TRPM2: variants seen among roughly 807,000 people sequenced by gnomAD.
TRPM2 encodes the protein transient receptor potential cation channel subfamily M member 2.
Under a neutral mutation model 174.0 loss-of-function variants are expected in TRPM2, and 161 were observed. The ratio of observed to expected loss-of-function variants is 0.93; its 90% CI spans 0.81 to 1.05. The LOEUF is 1.05. TRPM2 is among the 50% of genes least tolerant of loss of function. The pLI is 0.00. For missense variants in TRPM2, 2,057 were observed against 2,038.0 expected (o/e 1.01, Z -0.18); for synonymous variants, 954 against 861.3 (o/e 1.11, Z -1.88).
Position 44,367,642 on chromosome 21 carries a change from AG to A in TRPM2, c.604+709del, listed in dbSNP as rs949844930. 9.2e-5 allele frequency among the ~76,000 whole-genome samples: 14 copies of A among 152,288 alleles called. No individual in the cohort carries two copies. The highest frequency in any genetic ancestry group is 1.5e-4 in the Non-Finnish European group (10 of 68,016). On this transcript the variant is annotated intron_variant, in intron 4 of 31. Transcript: ENST00000397928. This position sits in a 1 kb window ranked among gnomAD's most constrained non-coding sequence, Gnocchi z 4.6. ...TCCCTGGAGGGGACTGTGGATGAAT[AG>A]TGAGGCCCTGAGGTGACTACTTGGC... is the stretch of plus-strand genomic sequence containing the variant.
At chr21:44,403,863 A>G (rs1036445179) in intron 16 of TRPM2, among the ~76,000 whole-genome samples, 1 of 151,892 alleles carries the variant, frequency 6.6e-6, no homozygotes, top group Non-Finnish European at 1.5e-5. Context: ...CATACACACA[A>G]ATATACACAT....
chr21:44,402,325 C>T (rs2049648165), intron 16 of TRPM2, among the ~76,000 whole-genome samples: 1 of 152,164 alleles, frequency 6.6e-6, no homozygotes, highest in African/African-American at 2.4e-5. Context: ...AAGCAACAGT[C>T]TACAGACTAA....
rs1281456423 is a variant in TRPM2 at position 44,354,940 on chromosome 21, C to T, written c.254+204C>T. On this transcript the variant is annotated intron_variant, in intron 2 of 31. Transcript: ENST00000397928. The surrounding 1 kb of genome is among the most constrained non-coding windows in gnomAD (Gnocchi z 4.3). ...CGGGGACAGTTGACCCTCATCCTGC[C>T]TCGCAGGTGCAGGGACCAAAGTGCA... Among the ~76,000 whole-genome samples, 1 of 152,098 alleles carries T rather than the reference C, an allele frequency of 6.6e-6. No homozygotes were observed. The highest frequency in any genetic ancestry group is 1.5e-5 in the Non-Finnish European group (1 of 68,040).
At position 44,402,146 on chromosome 21, in the gene TRPM2, G is replaced by A. The variant is rs149016543; in HGVS notation, c.2538+249G>A. 2.6e-3 allele frequency among the ~76,000 whole-genome samples: 393 copies of A among 152,216 alleles called. 1 individual carries two copies. Among genetic ancestry groups the A allele is most frequent in the African/African-American group, 9.1e-3 (377 of 41,530 alleles). On this transcript the variant is annotated intron_variant, in intron 16 of 31. Transcript: ENST00000397928. ...CAGGCATCCTTCCCTCCTGGAGACC[G>A]GCTGATCAGCTCAAGGTGGATGCCC...
intron 8 of TRPM2, among the ~76,000 whole-genome samples, chr21:44,382,289 G>T (rs560194455): frequency 6.6e-6 from 1 of 152,134 alleles, no homozygotes; most frequent in Non-Finnish European, 1.5e-5. Flanking sequence ...AGATAGATCA[G>T]ATTATGTAGA....
intron 28 of TRPM2, 83 bp downstream of exon 28, chr21:44,435,300 C>A: frequency 6.7e-7 from 1 of 1,482,102 alleles, no homozygotes; most frequent in Non-Finnish European, 9.3e-7. Context: ...TTGCCCAGTG[C>A]TCAGGGGCCG....
At chr21:44,390,574 C>A (rs558315282) in intron 9 of TRPM2, among the ~76,000 whole-genome samples, 1 of 152,216 alleles carries the variant, frequency 6.6e-6, no homozygotes, top group Non-Finnish European at 1.5e-5. Flanking sequence ...CTCCAGAGAC[C>A]TATGTCTTCT....
chr21:44,419,058 T>C (rs1474098614), intron 22 of TRPM2, among the ~76,000 whole-genome samples: 1 of 152,234 alleles, frequency 6.6e-6, no homozygotes, highest in Non-Finnish European at 1.5e-5. Flanking sequence ...GGGGAACATC[T>C]GCTCCCTTCT....
At chr21:44,380,459 TCTCAGAA>T (rs1484038379) in intron 8 of TRPM2, among the ~76,000 whole-genome samples, 1 of 152,146 alleles carries the variant, frequency 6.6e-6, no homozygotes, top group Non-Finnish European at 1.5e-5. Flanking sequence ...TTCAGGCAAT[TCTCAGAA>T]CTGAGTTTAA....
chr21:44,364,267 C>T lies in TRPM2; in HGVS notation c.408C>T (p.Ser136=), dbSNP rs1348713242. The stretch of plus-strand genomic sequence containing the variant: ...GCGACATCGTCTTCACGGGCCTGAG[C>T]CAGAAGGTGAAAAAGGTTGGTTTCC... ...AFGDIVFTGL[S]QKVKKYVRVS... is the part of the protein sequence containing the mutation. Residue 136 remains serine (S), a synonymous_variant, in exon 3 of 32, where the codon AGC becomes AGT. Coordinates refer to ENST00000397928, the MANE Select transcript of TRPM2 (RefSeq NM_003307.4). 1 of 1,613,994 alleles carries T rather than the reference C, an allele frequency of 6.2e-7. No individual in the cohort carries two copies. The highest frequency in any genetic ancestry group is 2.2e-5 in the East Asian group (1 of 44,900).
At chr21:44,406,896 C>A in intron 19 of TRPM2, 131 bp downstream of exon 19, 2 of 1,230,804 alleles carry the variant, frequency 1.6e-6, no homozygotes, top group Non-Finnish European at 2.2e-6. Flanking sequence ...TGGCCGGTGT[C>A]CTCCCTGGGG....
chr21:44,358,232 G>A (rs2048112939), intron 2 of TRPM2, among the ~76,000 whole-genome samples: 1 of 152,144 alleles, frequency 6.6e-6, no homozygotes, highest in Non-Finnish European at 1.5e-5. Context: ...CCAGACCTTT[G>A]TGCTCACATT....
At chr21:44,402,443 T>C (rs45501795) in intron 16 of TRPM2, among the ~76,000 whole-genome samples, 2,235 of 152,236 alleles carry the variant, frequency 0.015, 58 homozygotes, top group African/African-American at 0.051. Flanking sequence ...CTCCCGGTGA[T>C]GATGTGTGGC....
At chr21:44,355,852 T>C (rs1257050033) in intron 2 of TRPM2, among the ~76,000 whole-genome samples, 1 of 150,030 alleles carries the variant, frequency 6.7e-6, no homozygotes, top group East Asian at 2.0e-4. Context: ...GGGGAATTGT[T>C]CCCGGACACC....
intron 2 of TRPM2, among the ~76,000 whole-genome samples, chr21:44,356,951 G>A (rs1199710031): frequency 1.3e-5 from 2 of 152,164 alleles, no homozygotes; most frequent in Non-Finnish European, 2.9e-5. Flanking sequence ...TATAATTAGC[G>A]TGTAATGGGC....
chr21:44,355,826 G>A (rs536868158), intron 2 of TRPM2, among the ~76,000 whole-genome samples: 1 of 151,434 alleles, frequency 6.6e-6, no homozygotes, highest in South Asian at 2.1e-4. Context: ...TACAACAGCT[G>A]TCCCTCCGCA....
chr21:44,405,944 C>T lies in TRPM2; in HGVS notation c.2697C>T (p.Leu899=), dbSNP rs1275980958. 4 of 1,607,658 alleles carry T rather than the reference C, an allele frequency of 2.5e-6. No homozygotes were observed. In the African/African-American group the frequency reaches 4.0e-5, roughly 16 times the overall value. The part of the protein sequence containing the change: ...PATLYPGRVI[L]SLDFILFCLR... The stretch of plus-strand genomic sequence containing the variant: ...CGCTGTACCCCGGGCGCGTCATCCT[C>T]TCTCTGGACTTCATCCTGTTCTGCC... Residue 899 remains leucine, a synonymous_variant, in exon 18 of 32, where the codon CTC becomes CTT. Transcript: ENST00000397928.
intron 18 of TRPM2, 137 bp downstream of exon 18, chr21:44,406,174 GCTC>G: frequency 1.7e-6 from 2 of 1,173,618 alleles, no homozygotes; most frequent in Non-Finnish European, 2.4e-6. Flanking sequence ...TGCCCCTTGG[GCTC>G]CCAAGAATGC....
intron 5 of TRPM2, among the ~76,000 whole-genome samples, chr21:44,370,964 C>A (rs115914687): frequency 0.016 from 2,377 of 152,342 alleles, 50 homozygotes; most frequent in African/African-American, 0.054. Flanking sequence ...GTGTGTGTCC[C>A]AGCCCGGCTG....
Sources: allele counts gnomAD v4.1 joint callset (sites outside exome capture counted in the v4.1 genomes callset), GRCh38; gene constraint gnomAD v4.1.1; non-coding constraint Gnocchi (gnomAD v3.1); transcripts MANE v1.5; gene names NCBI Gene and HGNC (gene_info 2026-07-23, HGNC 2026-07-21).